The following PTPRD variants were observed in gnomAD, a reference collection of about 807,000 sequenced individuals.
The protein encoded by PTPRD is protein tyrosine phosphatase receptor type D, also known as receptor-type tyrosine-protein phosphatase delta.
In PTPRD, 34 loss-of-function variants were observed where a neutral mutation model predicts 214.5. The observed-to-expected ratio is 0.16, with a 90% CI of 0.12 to 0.21. PTPRD has a LOEUF of 0.21. Among genes scored for constraint, PTPRD ranks in the 10% least tolerant of loss-of-function variants. PTPRD has a pLI of 1.00. For missense variants in PTPRD, 2,545 were observed against 2,398.7 expected (o/e 1.06, Z -1.27); for synonymous variants, 1,128 against 845.7 (o/e 1.33, Z -5.79).
At chr9:8,616,754 G>A (rs189992775) in intron 14 of PTPRD, among the ~76,000 whole-genome samples, 15 of 152,204 alleles carry the variant, frequency 9.9e-5, no homozygotes, top group East Asian at 5.8e-4. Flanking sequence ...AAAGACTGCC[G>A]ATGTTATTAC....
chr9:9,671,314 T>C (rs1362843944), intron 7 of PTPRD, among the ~76,000 whole-genome samples: 6 of 152,196 alleles, frequency 3.9e-5, no homozygotes. Flanking sequence ...AGTTACCCAA[T>C]ACCTGTATTC....
At chr9:9,119,240 G>A (rs762893048) in intron 10 of PTPRD, among the ~76,000 whole-genome samples, 11 of 152,132 alleles carry the variant, frequency 7.2e-5, no homozygotes, top group Non-Finnish European at 1.2e-4. Context: ...CTAAGTTATT[G>A]CAGAAACCAG....
intron 2 of PTPRD, among the ~76,000 whole-genome samples, chr9:10,451,522 G>A (rs1268263029): frequency 6.6e-6 from 1 of 151,436 alleles, no homozygotes; most frequent in Non-Finnish European, 1.5e-5. Flanking sequence ...CTGATCTGGT[G>A]CATATCTTCA....
intron 8 of PTPRD, among the ~76,000 whole-genome samples, chr9:9,427,240 C>T (rs2081308789): frequency 6.6e-6 from 1 of 152,150 alleles, no homozygotes; most frequent in Admixed American, 6.5e-5. Context: ...AGCTGAAAAC[C>T]ATGGCATGAG....
intron 3 of PTPRD, among the ~76,000 whole-genome samples, chr9:10,188,575 C>G (rs1404307080): frequency 7.0e-6 from 1 of 143,672 alleles, no homozygotes; most frequent in African/African-American, 2.5e-5. Context: ...TAAATAGTAT[C>G]TTTTTTTTTT....
At chr9:10,432,946 G>C (rs1289486257) in intron 2 of PTPRD, among the ~76,000 whole-genome samples, 9 of 151,666 alleles carry the variant, frequency 5.9e-5, no homozygotes, top group Non-Finnish European at 1.3e-4. Flanking sequence ...TATCACATTT[G>C]CCTTCCATTG....
intron 3 of PTPRD, among the ~76,000 whole-genome samples, chr9:10,167,624 A>C (rs1001688890): frequency 6.6e-6 from 1 of 152,210 alleles, no homozygotes; most frequent in Non-Finnish European, 1.5e-5. Flanking sequence ...GTTTTAAAAT[A>C]GGATGATTTA....
At chr9:9,662,227 AC>A (rs1176505946) in intron 7 of PTPRD, among the ~76,000 whole-genome samples, 1 of 151,690 alleles carries the variant, frequency 6.6e-6, no homozygotes, top group Non-Finnish European at 1.5e-5. Context: ...AGAACCTGCT[AC>A]TATAAAGTAT....
intron 5 of PTPRD, among the ~76,000 whole-genome samples, chr9:9,789,968 A>G (rs1317746185): frequency 1.3e-5 from 2 of 152,106 alleles, no homozygotes; most frequent in South Asian, 2.1e-4. Flanking sequence ...ATTTGAGCAA[A>G]TATTTTATTT....
chr9:9,387,951 G>C (rs1028898539), intron 9 of PTPRD, among the ~76,000 whole-genome samples: 2 of 152,210 alleles, frequency 1.3e-5, no homozygotes, highest in Non-Finnish European at 2.9e-5. Context: ...TAGGTGGCCT[G>C]TGTTAACCAG....
intron 2 of PTPRD, among the ~76,000 whole-genome samples, chr9:10,579,156 A>G (rs1036198224): frequency 1.3e-5 from 2 of 152,050 alleles, no homozygotes; most frequent in Non-Finnish European, 2.9e-5. Context: ...AAAGAATGAG[A>G]TCATGTCCTT....
intron 10 of PTPRD, among the ~76,000 whole-genome samples, chr9:9,080,945 C>T (rs2099758137): frequency 6.6e-6 from 1 of 152,028 alleles, no homozygotes; most frequent in Admixed American, 6.6e-5. Context: ...AAAAAAACAG[C>T]TCCTGGATTC....
Position 9,137,508 on chromosome 9 carries a change from C to T in PTPRD, c.-143+45796G>A, listed in dbSNP as rs78043575. Among the ~76,000 whole-genome samples the T allele has an allele frequency of 2.0e-3, 310 of 152,232 alleles. 1 individual carries two copies. The highest frequency in any genetic ancestry group is 7.0e-3 in the African/African-American group (290 of 41,540). ...GAATGAAGAGATATATAACCCCCCT[C>T]TTAATATCTCCAAAGTTATAAAATT... On this transcript the variant is annotated intron_variant, in intron 10 of 45. Transcript: ENST00000381196.
intron 3 of PTPRD, among the ~76,000 whole-genome samples, chr9:10,293,377 G>A (rs909104076): frequency 6.6e-6 from 1 of 151,838 alleles, no homozygotes; most frequent in Admixed American, 6.6e-5. Context: ...ATTAGAAATG[G>A]ACATTGTTTC....
At chr9:8,320,360 G>A (rs2130760455) in intron 44 of PTPRD, among the ~76,000 whole-genome samples, 1 of 152,170 alleles carries the variant, frequency 6.6e-6, no homozygotes, top group South Asian at 2.1e-4. Flanking sequence ...AAGGTGAAGT[G>A]AATTTGGCAT....
At chr9:10,037,640 G>C (rs1343200843) in intron 3 of PTPRD, among the ~76,000 whole-genome samples, 1 of 150,426 alleles carries the variant, frequency 6.6e-6, no homozygotes, top group East Asian at 1.9e-4. Flanking sequence ...TTACATTTAA[G>C]GGGTGGTTTA....
intron 8 of PTPRD, among the ~76,000 whole-genome samples, chr9:9,481,253 G>C (rs769621897): frequency 6.6e-6 from 1 of 152,122 alleles, no homozygotes. Flanking sequence ...TGAGGTAGAA[G>C]CTGGAGGGTA....
chr9:8,712,831 G>C (rs1761388363), intron 12 of PTPRD, among the ~76,000 whole-genome samples: 1 of 152,072 alleles, frequency 6.6e-6, no homozygotes, highest in Non-Finnish European at 1.5e-5. Context: ...TGATTCTCCT[G>C]TCTCAGCCTC....
intron 11 of PTPRD, among the ~76,000 whole-genome samples, chr9:8,840,314 A>AT (rs969887640): frequency 6.6e-6 from 1 of 152,176 alleles, no homozygotes; most frequent in African/African-American, 2.4e-5. Flanking sequence ...TAGCAAATAA[A>AT]TGTCACAAGA....
Sources: gnomAD v4.1 joint callset for allele counts (sites outside exome capture counted in the v4.1 genomes callset) on GRCh38, gnomAD v4.1.1 for gene constraint, MANE v1.5 for transcripts, NCBI Gene and HGNC (gene_info 2026-07-23, HGNC 2026-07-21) for gene names.